Variants in NBN observed in about 807,000 individuals in gnomAD.
The protein encoded by NBN is nibrin.
NBN carries 88 observed loss-of-function variants against 90.8 expected under a neutral mutation model. The observed-to-expected ratio is 0.97, with a 90% CI of 0.82 to 1.16. The LOEUF is 1.16. Among genes scored for constraint, NBN ranks in the 50% most tolerant of loss-of-function variants. The pLI is 0.00. For missense variants in NBN, 894 were observed against 869.6 expected (o/e 1.03, Z -0.35); for synonymous variants, 328 against 295.1 (o/e 1.11, Z -1.14).
chr8:89,947,944 T>C (rs1465250664), intron 11 of NBN, 52 bp from the exon 12 acceptor site: 1 of 1,083,918 alleles, frequency 9.2e-7, no homozygotes, highest in South Asian at 1.4e-5. Context: ...AAATGGTATG[T>C]TTCTATCACT....
chr8:89,952,287 T>C (rs1056834254), intron 11 of NBN, among the ~76,000 whole-genome samples: 4 of 152,162 alleles, frequency 2.6e-5, no homozygotes, highest in Non-Finnish European at 5.9e-5. Flanking sequence ...AAATCAGATA[T>C]ACTGAATGAA....
intron 2 of NBN, 124 bp from the exon 3 acceptor site, chr8:89,981,647 T>A: frequency 1.0e-6 from 1 of 965,204 alleles, no homozygotes; most frequent in Non-Finnish European, 1.6e-6. Context: ...AGACAACAAT[T>A]ACTGCTTCGG....
intron 3 of NBN, 107 bp downstream of exon 3, chr8:89,981,268 G>C (rs1375710811): frequency 1.6e-6 from 2 of 1,243,652 alleles, no homozygotes; most frequent in South Asian, 1.2e-5. Flanking sequence ...TGCTAAGCAG[G>C]AACTAAATTA....
intron 9 of NBN, 126 bp from the exon 10 acceptor site, chr8:89,955,681 A>G (rs952856662): frequency 1.1e-5 from 12 of 1,101,576 alleles, no homozygotes; most frequent in African/African-American, 1.6e-5. Context: ...ACAAAAATAC[A>G]CTGAATATAT....
chr8:89,957,056 G>T (rs1810748630), intron 9 of NBN, among the ~76,000 whole-genome samples: 1 of 152,158 alleles, frequency 6.6e-6, no homozygotes, highest in Non-Finnish European at 1.5e-5. Flanking sequence ...ACTGGTTAAT[G>T]TATTTACTAT....
intron 7 of NBN, among the ~76,000 whole-genome samples, chr8:89,966,741 G>C (rs1811270312): frequency 6.6e-6 from 1 of 152,080 alleles, no homozygotes. Flanking sequence ...TTCCGAAGAA[G>C]AGCAAAAAAA....
At chr8:89,978,093 A>G in intron 5 of NBN, 127 bp downstream of exon 5, 2 of 832,728 alleles carry the variant, frequency 2.4e-6, no homozygotes, top group African/African-American at 1.7e-5. Flanking sequence ...CCTTCCATTA[A>G]TAATACCGAA....
At chr8:89,978,419 C>A in intron 4 of NBN, 96 bp from the exon 5 acceptor site, 1 of 963,600 alleles carries the variant, frequency 1.0e-6, no homozygotes, top group Non-Finnish European at 1.6e-6. Flanking sequence ...CTGTTTACAT[C>A]CATAAAAAAT....
chr8:89,959,662 G>A (rs1366264584), intron 8 of NBN, among the ~76,000 whole-genome samples: 1 of 152,180 alleles, frequency 6.6e-6, no homozygotes, highest in African/African-American at 2.4e-5. Context: ...GCTAAAGTGG[G>A]AGGATCACTT....
intron 10 of NBN, among the ~76,000 whole-genome samples, chr8:89,954,200 G>C (rs1810590369): frequency 6.6e-6 from 1 of 152,050 alleles, no homozygotes; most frequent in East Asian, 1.9e-4. Flanking sequence ...ATACAATACT[G>C]TATCATTCAT....
At chr8:89,984,140 G>T in intron 1 of NBN, 1 of 363,968 alleles carries the variant, frequency 2.7e-6, no homozygotes, top group Non-Finnish European at 5.1e-6. Flanking sequence ...GTCATGTGTG[G>T]CCCCCGTGTG....
At position 89,955,406 on chromosome 8, in the gene NBN, C is replaced by T. The variant is rs1060503478; in HGVS notation, c.1274G>A (p.Arg425Lys). 1 of 1,613,734 alleles carries T rather than the reference C, an allele frequency of 6.2e-7. No individual in the cohort carries two copies. Among genetic ancestry groups the T allele is most frequent in the Non-Finnish European group, 8.5e-7 (1 of 1,179,784 alleles). The stretch of plus-strand genomic sequence containing the variant: ...TGGTGAAAGCTGATAGTTTGGGATT[C>T]TCATCTTAGCCAAAGTATTTGATAC... ...SMVSNTLAKM[R>K]IPNYQLSPTK... is the part of the protein sequence containing the mutation. The change falls in exon 10 of 16, where the codon AGA (arginine) becomes AAA (lysine). Residue 425 changes from arginine (R) to lysine (K), a missense_variant. Physicochemically the swap from Arg to Lys is conservative, Grantham distance 26. Coordinates refer to ENST00000265433, the MANE Select transcript of NBN (RefSeq NM_002485.5).
chr8:89,951,472 C>T (rs899513886), intron 11 of NBN, among the ~76,000 whole-genome samples: 1 of 152,122 alleles, frequency 6.6e-6, no homozygotes, highest in Non-Finnish European at 1.5e-5. Flanking sequence ...TTTCTAAACA[C>T]TTACATGTAA....
rs1563531944 is a variant in NBN at position 89,955,441 on chromosome 8, A to G, written c.1239T>C (p.Asn413=). 6.2e-7 allele frequency: 1 copy of G among 1,613,706 alleles called. No individual in the cohort carries two copies. Among genetic ancestry groups the G allele is most frequent in the African/African-American group, 1.3e-5 (1 of 74,862 alleles). Residue 413 remains asparagine, a synonymous_variant, in exon 10 of 16, where the codon AAT becomes AAC. Coordinates refer to ENST00000265433, the MANE Select transcript of NBN (RefSeq NM_002485.5). ...CCAAAGTATTTGATACCATACTATT[A>G]TTATTAGAGCTTGTTTTGCAGGACT... The part of the protein sequence containing the change: ...VKESCKTSSN[N]NSMVSNTLAK...
chr8:89,946,744 G>C (rs999149046), intron 12 of NBN: 2 of 166,392 alleles, frequency 1.2e-5, no homozygotes, highest in African/African-American at 4.8e-5. Context: ...TCAAGAGTTT[G>C]TATCTTTTAT....
At chr8:89,984,029 C>A (rs1240830739) in intron 1 of NBN, among the ~76,000 whole-genome samples, 1 of 152,194 alleles carries the variant, frequency 6.6e-6, no homozygotes, top group Non-Finnish European at 1.5e-5. Flanking sequence ...CGACTTTTCC[C>A]ATTGTTCTGA....
Position 89,978,265 on chromosome 8 carries a change from AATTCAGTAAAAT to A in NBN, c.527_538del (p.Tyr176_Glu179del), listed in dbSNP as rs1811866878. On this transcript the variant is annotated inframe_deletion, in exon 5 of 16. Coordinates refer to ENST00000265433, the MANE Select transcript of NBN (RefSeq NM_002485.5). ...CTTCTTGGACTCAACTGCTTTCAGG[AATTCAGTAAAAT>A]ATTCTGGCTTTACAATTGGACGTCC... The A allele has an allele frequency of 6.2e-7, 1 of 1,603,122 alleles. No homozygotes were observed. The highest frequency in any genetic ancestry group is 8.5e-7 in the Non-Finnish European group (1 of 1,170,188).
At position 89,980,708 on chromosome 8, in the gene NBN, A is replaced by G. The variant is rs533021051; in HGVS notation, c.480+26T>C. 3.2e-6 allele frequency: 5 copies of G among 1,583,590 alleles called. No individual in the cohort carries two copies. In the South Asian group the frequency reaches 5.5e-5, roughly 18 times the overall value. ...CTTAAATTCAAATAACTTATTTTTA[A>G]CATAAGAACAAGACATTCAACCTAC... On this transcript the variant is annotated intron_variant, in intron 4 of 15. Coordinates refer to ENST00000265433, the MANE Select transcript of NBN (RefSeq NM_002485.5).
intron 8 of NBN, among the ~76,000 whole-genome samples, chr8:89,959,712 C>T (rs1670659044): frequency 6.6e-6 from 1 of 152,210 alleles, no homozygotes; most frequent in Admixed American, 6.5e-5. Context: ...AGTGATTGTG[C>T]CATGGCACTC....
Sources: gnomAD v4.1 joint callset for allele counts (sites outside exome capture counted in the v4.1 genomes callset) on GRCh38, gnomAD v4.1.1 for gene constraint, MANE v1.5 for transcripts, NCBI Gene and HGNC (gene_info 2026-07-23, HGNC 2026-07-21) for gene names.